Variants in CCNC observed in about 807,000 individuals in gnomAD.
CCNC encodes the protein cyclin-C.
Under a neutral mutation model 50.0 loss-of-function variants are expected in CCNC, and 19 were observed. The observed-to-expected ratio is 0.38, with a 90% CI of 0.27 to 0.56. The LOEUF (loss-of-function observed/expected upper bound fraction) is 0.56, where lower values mean the gene tolerates loss of function less well. Among genes scored for constraint, CCNC ranks in the 20% least tolerant of loss-of-function variants. The probability of loss-of-function intolerance (pLI) is 0.72; values close to 1 mark genes in which losing one functional copy is unlikely to be tolerated. For synonymous variants in CCNC, 93 were observed against 103.7 expected (o/e 0.90, Z 0.63); for missense variants, 200 against 327.1 (o/e 0.61, Z 3.00).
intron 9 of CCNC, chr6:99,549,278 T>C (rs1802196207): frequency 1.7e-6 from 1 of 589,294 alleles, no homozygotes. Flanking sequence ...AAAACTATTT[T>C]GAATGGTTTC....
rs142096747 is a variant in CCNC at position 99,543,632 on chromosome 6, G to T, written c.798-23C>A. On this transcript the variant is annotated intron_variant, in intron 11 of 11. Coordinates refer to ENST00000520429, the MANE Select transcript of CCNC (RefSeq NM_005190.4). Reference sequence around the variant, plus strand: ...TCACTGTTCAAATGGGGAAGAAAGAGATTTTATACCAATTAAAAGATCCAT... The same window carrying T: ...TCACTGTTCAAATGGGGAAGAAAGATATTTTATACCAATTAAAAGATCCAT... 2.1e-3 allele frequency: 3,377 copies of T among 1,612,044 alleles called. 7 individuals are homozygous for T. Among genetic ancestry groups the T allele is most frequent in the Non-Finnish European group, 2.6e-3 (3,080 of 1,178,842 alleles).
intron 5 of CCNC, among the ~76,000 whole-genome samples, chr6:99,554,981 T>A (rs1056871498): frequency 6.6e-6 from 1 of 152,258 alleles, no homozygotes; most frequent in African/African-American, 2.4e-5. Context: ...CACGAGTTCA[T>A]GCTGTTTCCA....
chr6:99,549,645 GA>G, intron 8 of CCNC, 70 bp from the exon 9 acceptor site: 1 of 977,404 alleles, frequency 1.0e-6, no homozygotes, highest in Non-Finnish European at 1.6e-6. Flanking sequence ...TTCCTCCAGA[GA>G]GGGCCAGATT....
chr6:99,561,815 A>G lies in CCNC; in HGVS notation c.140-134T>C, dbSNP rs565512782. The G allele has an allele frequency of 1.0e-5, 6 of 582,058 alleles. No individual in the cohort carries two copies. The East Asian group carries it at 1.7e-4, about 17-fold the overall frequency. The allele number at this position is 582,058 out of a possible 1,614,324, so 36.1% of individuals were successfully genotyped here. ...AAAGGAAAAAACCTACACATGCTCT[A>G]TGTGAGTCACAGTGGTCTAATTCTA... On this transcript the variant is annotated intron_variant, in intron 2 of 11. Transcript: ENST00000520429.
chr6:99,554,758 A>G (rs1293440455), intron 5 of CCNC, among the ~76,000 whole-genome samples: 1 of 152,132 alleles, frequency 6.6e-6, no homozygotes, highest in Non-Finnish European at 1.5e-5. Context: ...TCCTAGAATC[A>G]ACCATTTCTC....
Position 99,546,296 on chromosome 6 carries a change from C to G in CCNC, c.678+99G>C, listed in dbSNP as rs1010048610. On this transcript the variant is annotated intron_variant, in intron 10 of 11. Coordinates refer to ENST00000520429, the MANE Select transcript of CCNC (RefSeq NM_005190.4). ...TTCTTAATATTTTGTAACCAATAATCTTCTTAGCCTGGTGGACATCACAAG... is the reference window on the plus strand; with the variant it reads ...TTCTTAATATTTTGTAACCAATAATGTTCTTAGCCTGGTGGACATCACAAG... 4 of 784,060 alleles carry G rather than the reference C, an allele frequency of 5.1e-6. No individual in the cohort carries two copies. In the Admixed American group the frequency reaches 8.1e-5, roughly 16 times the overall value. The allele number at this position is 784,060 out of a possible 1,614,324, so 48.6% of individuals were successfully genotyped here.
chr6:99,553,780 T>C (rs1175519353), intron 5 of CCNC, among the ~76,000 whole-genome samples: 1 of 152,174 alleles, frequency 6.6e-6, no homozygotes. Flanking sequence ...CTGTGAGAAA[T>C]AAATGTCTGT....
chr6:99,565,090 G>A (rs1192819324), intron 1 of CCNC, among the ~76,000 whole-genome samples: 1 of 151,932 alleles, frequency 6.6e-6, no homozygotes, highest in African/African-American at 2.4e-5. Flanking sequence ...AGAAAATTAA[G>A]TAATTAATAG....
At chr6:99,560,614 T>A (rs1191125647) in intron 4 of CCNC, among the ~76,000 whole-genome samples, 1 of 152,262 alleles carries the variant, frequency 6.6e-6, no homozygotes, top group Non-Finnish European at 1.5e-5. Flanking sequence ...CTACATTATT[T>A]ATGAAAAACA....
In CCNC at chr6:99,555,649, C is replaced by T. The variant is rs556374813; in HGVS notation, c.346+2848G>A. On this transcript the variant is annotated intron_variant, in intron 5 of 11. Coordinates refer to ENST00000520429, the MANE Select transcript of CCNC (RefSeq NM_005190.4). ...CAGAGCTGGAATCTTGCTATGTTGT[C>T]CAGGCTGGTCTTGAACTCCTGTTCT... Among the ~76,000 whole-genome samples the T allele has an allele frequency of 5.3e-5, 8 of 152,062 alleles. No homozygotes were observed. The South Asian group carries it at 1.2e-3, about 24-fold the overall frequency.
chr6:99,561,792 A>C (rs1802791747), intron 2 of CCNC, 111 bp from the exon 3 acceptor site: 1 of 711,752 alleles, frequency 1.4e-6, no homozygotes, highest in African/African-American at 1.8e-5. Context: ...TTTTTAACAA[A>C]GGAAAAAACC....
At chr6:99,548,965 ACAAACACGGAAAGGTCAGATAATTTT>A (rs1802183208) in intron 9 of CCNC, among the ~76,000 whole-genome samples, 1 of 152,230 alleles carries the variant, frequency 6.6e-6, no homozygotes, top group Admixed American at 6.5e-5. Context: ...AATTAAGGAA[ACAAACACGGAAAGGTCAGATAATTTT>A]CCCACAATTG....
Position 99,568,625 on chromosome 6 carries a change from A to T in CCNC, c.-98T>A. The T allele has an allele frequency of 6.4e-7, 1 of 1,558,064 alleles. No homozygotes were observed. ...GTCCGGTAACCGCGCTCCTCGATCAAATCAGCTCGGCTCGACTCCGCTCCG... is the reference window on the plus strand; with the variant it reads ...GTCCGGTAACCGCGCTCCTCGATCATATCAGCTCGGCTCGACTCCGCTCCG... On this transcript the variant is annotated 5_prime_UTR_variant, in exon 1 of 12. The change creates a new upstream start codon in the 5' untranslated region. Coordinates refer to ENST00000520429, the MANE Select transcript of CCNC (RefSeq NM_005190.4).
chr6:99,567,830 T>C (rs189455217), intron 1 of CCNC, among the ~76,000 whole-genome samples: 45 of 152,256 alleles, frequency 3.0e-4, no homozygotes, highest in African/African-American at 1.0e-3. Flanking sequence ...CAAGAACTTA[T>C]TCATGAAAAA....
At chr6:99,546,328 G>C (rs980048561) in intron 10 of CCNC, 67 bp downstream of exon 10, 17 of 1,016,776 alleles carry the variant, frequency 1.7e-5, no homozygotes, top group Non-Finnish European at 2.5e-5. Context: ...CAAGATTTTA[G>C]GCTCATGATA....
rs2128865111 is a variant in CCNC at position 99,543,182 on chromosome 6, G to T, written c.*373C>A. The T allele has an allele frequency of 6.4e-6, 1 of 155,710 alleles. No homozygotes were observed. Among genetic ancestry groups the T allele is most frequent in the Middle Eastern group, 3.2e-3 (1 of 308 alleles). 9.6% of individuals were successfully genotyped at this position (155,710 alleles called of 1,614,324 possible). A position where few individuals can be genotyped will look rare whatever the true frequency, so the allele number is the denominator to read the frequency against. ...ACTGTAAATTTTACGTCCTTTTTTG[G>T]TCCCTCAATGACCAAAGAGAATTTT... On this transcript the variant is annotated 3_prime_UTR_variant, in exon 12 of 12. Coordinates refer to ENST00000520429, the MANE Select transcript of CCNC (RefSeq NM_005190.4).
intron 1 of CCNC, among the ~76,000 whole-genome samples, chr6:99,566,669 C>T (rs1769140257): frequency 6.6e-6 from 1 of 152,112 alleles, no homozygotes; most frequent in Admixed American, 6.5e-5. Flanking sequence ...ATTTCACAAA[C>T]ATTTTATGAG....
At chr6:99,564,507 G>A (rs1364402405) in intron 1 of CCNC, among the ~76,000 whole-genome samples, 2 of 150,716 alleles carry the variant, frequency 1.3e-5, no homozygotes, top group Admixed American at 1.3e-4. Flanking sequence ...GTATGTCACT[G>A]TTTCTTTTCC....
At chr6:99,547,259 C>T (rs1170742474) in intron 9 of CCNC, among the ~76,000 whole-genome samples, 4 of 151,792 alleles carry the variant, frequency 2.6e-5, no homozygotes, top group African/African-American at 9.7e-5. Flanking sequence ...CACTGGTTGC[C>T]CTAAGTCAAG....
Sources: allele counts gnomAD v4.1 joint callset (sites outside exome capture counted in the v4.1 genomes callset), GRCh38; gene constraint gnomAD v4.1.1; transcripts MANE v1.5; gene names NCBI Gene and HGNC (gene_info 2026-07-23, HGNC 2026-07-21).